Variants in NCKAP1 observed in about 807,000 individuals in gnomAD.
NCKAP1 encodes the protein nck-associated protein 1.
NCKAP1 carries 21 observed loss-of-function variants against 151.2 expected under a neutral mutation model. That is an observed-to-expected ratio of 0.14 (90% CI 0.10 to 0.20). NCKAP1 has a LOEUF of 0.20. Ranked by LOEUF, NCKAP1 falls within the 10% of genes least tolerant of loss-of-function variation. The probability of loss-of-function intolerance (pLI) is 1.00; values close to 1 mark genes in which losing one functional copy is unlikely to be tolerated. For missense variants in NCKAP1, 933 were observed against 1,352.1 expected, an observed-to-expected ratio of 0.69 and a Z score of 4.86; for synonymous variants, 484 against 451.8, an observed-to-expected ratio of 1.07 and a Z score of -0.90.
At chr2:182,930,832 A>G (rs777194616) in intron 26 of NCKAP1, 44 bp from the exon 27 acceptor site, 5 of 1,521,560 alleles carry the variant, frequency 3.3e-6, no homozygotes, top group Non-Finnish European at 3.6e-6. Flanking sequence ...TAGTCTAACA[A>G]ATTTCTGAGA....
chr2:182,954,649 A>G (rs1043136893), intron 20 of NCKAP1, among the ~76,000 whole-genome samples: 1 of 152,038 alleles, frequency 6.6e-6, no homozygotes, highest in Non-Finnish European at 1.5e-5. Flanking sequence ...AACCAGGCAC[A>G]GTGGCACACG....
intron 2 of NCKAP1, among the ~76,000 whole-genome samples, chr2:183,012,611 C>A (rs1449250515): frequency 1.3e-5 from 2 of 151,154 alleles, no homozygotes; most frequent in Non-Finnish European, 3.0e-5. Flanking sequence ...TGTCACTCAT[C>A]CCCTTACGCC....
chr2:183,009,892 A>G (rs1050143147), intron 2 of NCKAP1, among the ~76,000 whole-genome samples: 5 of 152,250 alleles, frequency 3.3e-5, no homozygotes, highest in Admixed American at 3.3e-4. Context: ...ATACAATGAC[A>G]TAAAAGTAGC....
chr2:183,003,260 G>A lies in NCKAP1; in HGVS notation c.285C>T (p.Phe95=), dbSNP rs1393832693. The A allele has an allele frequency of 6.3e-7, 1 of 1,581,306 alleles. No homozygotes were observed. Among genetic ancestry groups the A allele is most frequent in the Non-Finnish European group, 8.6e-7 (1 of 1,158,490 alleles). ...TAAATTCCATAACATCTACAAATGT[G>A]AAGTAATATAATGCCAGATTTTTCA... The part of the protein sequence containing the change: ...EILKNLALYY[F]TFVDVMEFKD... Residue 95 remains phenylalanine (F), a synonymous_variant, in exon 3 of 31, where the codon TTC becomes TTT. Coordinates refer to ENST00000361354, the MANE Select transcript of NCKAP1 (RefSeq NM_013436.5).
At chr2:182,973,245 AATGG>A (rs1697736197) in intron 15 of NCKAP1, among the ~76,000 whole-genome samples, 1 of 152,184 alleles carries the variant, frequency 6.6e-6, no homozygotes, top group African/African-American at 2.4e-5. Flanking sequence ...ATTCAGAAGA[AATGG>A]ATGGTAACAA....
In NCKAP1 at chr2:182,982,942, G is replaced by T; in HGVS notation, c.1102-15C>A. On this transcript the variant is annotated splice_polypyrimidine_tract_variant and intron_variant, in intron 11 of 30. Transcript: ENST00000361354. ...ACAAAAAGTGCCTGTTTAAAAAAAAGTAAGTGTTTATTCTTATTCAAAGAT... is the reference window on the plus strand; with the variant it reads ...ACAAAAAGTGCCTGTTTAAAAAAAATTAAGTGTTTATTCTTATTCAAAGAT... 1 of 1,554,942 alleles carries T rather than the reference G, an allele frequency of 6.4e-7. No individual in the cohort carries two copies.
intron 2 of NCKAP1, among the ~76,000 whole-genome samples, chr2:183,011,800 T>C (rs1236930131): frequency 1.3e-5 from 2 of 152,186 alleles, no homozygotes; most frequent in Non-Finnish European, 2.9e-5. Flanking sequence ...TTCCTAACTC[T>C]GAGATATGAT....
rs1344525440 is a variant in NCKAP1 at position 182,909,898 on chromosome 2, C to T, written c.*15804G>A. The T allele has an allele frequency of 6.6e-6, 1 of 152,212 alleles. No individual in the cohort carries two copies. The highest frequency in any genetic ancestry group is 1.5e-5 in the Non-Finnish European group (1 of 68,046). 9.4% of individuals were successfully genotyped at this position (152,212 alleles called of 1,614,324 possible). A position where few individuals can be genotyped will look rare whatever the true frequency, so the allele number is the denominator to read the frequency against. ...ATTTAGATAAGGGCCAAATAGCCTC[C>T]TGATCCAAGGCCACAAATTCTGTCA... On this transcript the variant is annotated 3_prime_UTR_variant, in exon 31 of 31. Transcript: ENST00000361354.
chr2:183,006,848 T>C (rs1311023038), intron 2 of NCKAP1, among the ~76,000 whole-genome samples: 3 of 152,050 alleles, frequency 2.0e-5, no homozygotes, highest in East Asian at 1.9e-4. Context: ...TGAGAAAAAA[T>C]TGATTCTATT....
chr2:182,966,211 C>T (rs1326973982), intron 16 of NCKAP1, among the ~76,000 whole-genome samples: 1 of 151,952 alleles, frequency 6.6e-6, no homozygotes, highest in African/African-American at 2.4e-5. Context: ...AAATAAAGGG[C>T]CAAGAAGCAG....
chr2:182,975,561 T>A (rs922115432), intron 15 of NCKAP1, among the ~76,000 whole-genome samples: 3 of 152,192 alleles, frequency 2.0e-5, no homozygotes, highest in Non-Finnish European at 2.9e-5. Flanking sequence ...AAAATACTTC[T>A]TATATTTTCT....
intron 8 of NCKAP1, among the ~76,000 whole-genome samples, chr2:182,992,909 C>CTTTA (rs1428587028): frequency 1.3e-5 from 2 of 151,904 alleles, no homozygotes; most frequent in Non-Finnish European, 2.9e-5. Context: ...TATTTTATGT[C>CTTTA]TTTATTATTT....
chr2:182,989,870 C>G (rs189869292), intron 8 of NCKAP1, among the ~76,000 whole-genome samples: 3 of 151,610 alleles, frequency 2.0e-5, no homozygotes, highest in African/African-American at 4.8e-5. Context: ...AGTGTTGGTG[C>G]GCCCAGCTAT....
chr2:182,993,743 C>T (rs188296985), intron 8 of NCKAP1, among the ~76,000 whole-genome samples: 20 of 151,194 alleles, frequency 1.3e-4, no homozygotes, highest in African/African-American at 4.2e-4. Context: ...ATAAAAAAAA[C>T]GACCTATCAG....
At chr2:183,012,479 G>A (rs1314679034) in intron 2 of NCKAP1, among the ~76,000 whole-genome samples, 1 of 152,136 alleles carries the variant, frequency 6.6e-6, no homozygotes, top group Non-Finnish European at 1.5e-5. Context: ...GGGAGATTTG[G>A]AGACAAAGTG....
chr2:182,928,655 T>C (rs9333279), intron 28 of NCKAP1, 128 bp downstream of exon 28: 417,927 of 594,402 alleles, frequency 0.7, 152,899 homozygotes, highest in East Asian at 0.85. Flanking sequence ...AACTGCAGTT[T>C]AGGAAAAGGG....
At chr2:182,974,383 T>A (rs1253487998) in intron 15 of NCKAP1, among the ~76,000 whole-genome samples, 1 of 151,768 alleles carries the variant, frequency 6.6e-6, no homozygotes, top group Non-Finnish European at 1.5e-5. Context: ...AAGATGTGCC[T>A]AAATCCTAAC....
chr2:182,994,404 G>A (rs1026040802), intron 8 of NCKAP1, among the ~76,000 whole-genome samples: 10 of 152,058 alleles, frequency 6.6e-5, no homozygotes, highest in East Asian at 3.9e-4. Context: ...GTGGGAGGCC[G>A]AGGCGGGCAG....
At chr2:182,973,135 T>C (rs76158444) in intron 15 of NCKAP1, among the ~76,000 whole-genome samples, 19 of 152,254 alleles carry the variant, frequency 1.2e-4, no homozygotes, top group African/African-American at 4.3e-4. Flanking sequence ...TGTATCAAAA[T>C]ATCACATGTA....
Sources: allele counts gnomAD v4.1 joint callset (sites outside exome capture counted in the v4.1 genomes callset), GRCh38; gene constraint gnomAD v4.1.1; transcripts MANE v1.5; gene names NCBI Gene and HGNC (gene_info 2026-07-23, HGNC 2026-07-21).